Variants in UFL1 observed in about 807,000 individuals in gnomAD.
UFL1 encodes E3 UFM1-protein ligase 1.
In UFL1, 78 loss-of-function variants were observed where a neutral mutation model predicts 99.3. The ratio of observed to expected loss-of-function variants is 0.79; its 90% CI spans 0.65 to 0.95. The LOEUF is 0.95. Among genes scored for constraint, UFL1 ranks in the 40% least tolerant of loss-of-function variants. UFL1 has a pLI of 0.00. For synonymous variants in UFL1, 335 were observed against 322.2 expected, an observed-to-expected ratio of 1.04 and a Z score of -0.42; for missense variants, 936 against 937.0, an observed-to-expected ratio of 1.00 and a Z score of 0.01.
chr6:96,546,390 C>A (rs1315858298), intron 12 of UFL1, among the ~76,000 whole-genome samples: 3 of 150,710 alleles, frequency 2.0e-5, no homozygotes, highest in African/African-American at 7.3e-5. Flanking sequence ...TAGAAAGACA[C>A]CCCAGGCTCA....
At chr6:96,523,927 C>G (rs9486467) in intron 2 of UFL1, among the ~76,000 whole-genome samples, 3 of 151,760 alleles carry the variant, frequency 2.0e-5, no homozygotes, top group African/African-American at 7.3e-5. Flanking sequence ...ATCTATTTTC[C>G]TTCATAGTAC....
intron 1 of UFL1, 87 bp from the exon 2 acceptor site, chr6:96,523,059 A>G: frequency 7.4e-7 from 1 of 1,359,316 alleles, no homozygotes; most frequent in Non-Finnish European, 9.8e-7. Context: ...AAACTTTTTA[A>G]AAGCCTGTTT....
At chr6:96,551,805 A>C in intron 16 of UFL1, 33 bp from the exon 17 acceptor site, 2 of 1,408,764 alleles carry the variant, frequency 1.4e-6, no homozygotes, top group South Asian at 2.5e-5. Context: ...AGTTATATAT[A>C]AAAGTAAATT....
Position 96,548,172 on chromosome 6 carries a change from A to C in UFL1, c.1411A>C (p.Lys471Gln), listed in dbSNP as rs1457343286. The C allele has an allele frequency of 8.8e-6, 14 of 1,589,262 alleles. No individual in the cohort carries two copies. The highest frequency in any genetic ancestry group is 1.2e-5 in the Non-Finnish European group (14 of 1,167,084). Residue 471 changes from lysine to glutamine, a missense_variant, in exon 13 of 19, where the codon AAG (lysine) becomes CAG (glutamine). Physicochemically the swap from Lys to Gln is moderately conservative, Grantham distance 53. Transcript: ENST00000369278. ...GCTCATGTCCGATATAGGAAAGAAG[A>C]AGCCAGAGATCAGTTTTATGTTCCA... ...ESQSSHTGKK[K>Q]PEISFMFQDE... is the part of the protein sequence containing the mutation.
Position 96,549,816 on chromosome 6 carries a change from C to T in UFL1, c.1818+17C>T. ...ACAAGTGAAGTATGTTAATGATCTC[C>T]CTACCACTATTGATGTGTTCTGTTT... is the stretch of plus-strand genomic sequence containing the variant. On this transcript the variant is annotated intron_variant, in intron 15 of 18. Coordinates refer to ENST00000369278, the MANE Select transcript of UFL1 (RefSeq NM_015323.5). 6.2e-7 allele frequency: 1 copy of T among 1,609,704 alleles called. No homozygotes were observed. The highest frequency in any genetic ancestry group is 1.1e-5 in the South Asian group (1 of 90,644).
rs779949109 is a variant in UFL1 at position 96,534,267 on chromosome 6, A to G, written c.601A>G (p.Thr201Ala). The G allele has an allele frequency of 6.4e-7, 1 of 1,567,796 alleles. No homozygotes were observed. The highest frequency in any genetic ancestry group is 8.6e-7 in the Non-Finnish European group (1 of 1,161,550). Reference sequence around the variant, plus strand: ...TTTTTTTAACTTTCCATAAAGGCCTACAGCTGTGAATTCTTTGATTTCAAA... The same window carrying G: ...TTTTTTTAACTTTCCATAAAGGCCTGCAGCTGTGAATTCTTTGATTTCAAA... ...RGLFSAITRPTAVNSLISKYG... is the reference protein window; with the variant it reads ...RGLFSAITRPAAVNSLISKYG... Residue 201 changes from threonine to alanine, a missense_variant, in exon 7 of 19, where the codon ACA (threonine) becomes GCA (alanine). By Grantham distance (58) the Thr-to-Ala change is moderately conservative (BLOSUM62 0). Transcript: ENST00000369278.
chr6:96,522,035 C>T, intron 1 of UFL1, 85 bp downstream of exon 1: 1 of 1,438,548 alleles, frequency 7.0e-7, no homozygotes, highest in Non-Finnish European at 9.5e-7. Context: ...ACCCGCGGCC[C>T]TGCATCCCGG....
At chr6:96,542,832 CATTAT>C in intron 11 of UFL1, 57 bp from the exon 12 acceptor site, 1 of 1,432,712 alleles carries the variant, frequency 7.0e-7, no homozygotes, top group Non-Finnish European at 9.2e-7. Context: ...AATATAGTGT[CATTAT>C]TTTATAAAAA....
intron 7 of UFL1, among the ~76,000 whole-genome samples, chr6:96,535,176 G>A (rs752988000): frequency 2.0e-5 from 3 of 151,776 alleles, no homozygotes; most frequent in African/African-American, 7.3e-5. Context: ...TGAGAAATCC[G>A]GACTTTTTTG....
chr6:96,552,142 A>G (rs928667706), intron 17 of UFL1, among the ~76,000 whole-genome samples: 1 of 152,062 alleles, frequency 6.6e-6, no homozygotes, highest in East Asian at 1.9e-4. Context: ...TCTTTATCCT[A>G]TAGTTCATCA....
At chr6:96,536,866 T>C (rs2127951016) in intron 8 of UFL1, among the ~76,000 whole-genome samples, 1 of 151,862 alleles carries the variant, frequency 6.6e-6, no homozygotes, top group African/African-American at 2.4e-5. Flanking sequence ...TGTGTTTTTA[T>C]TAGTTAACTA....
intron 12 of UFL1, among the ~76,000 whole-genome samples, chr6:96,547,101 G>A (rs1347962434): frequency 6.6e-6 from 1 of 151,540 alleles, no homozygotes; most frequent in East Asian, 1.9e-4. Context: ...TCTGACAAAG[G>A]ACTAATATCT....
chr6:96,534,816 T>G (rs536720707), intron 7 of UFL1, among the ~76,000 whole-genome samples: 51 of 151,606 alleles, frequency 3.4e-4, no homozygotes, highest in African/African-American at 1.2e-3. Context: ...GTTTTGAGGG[T>G]TTTTTTTAAT....
At chr6:96,543,573 T>G (rs143432795) in intron 12 of UFL1, among the ~76,000 whole-genome samples, 1 of 151,222 alleles carries the variant, frequency 6.6e-6, no homozygotes, top group Non-Finnish European at 1.5e-5. Context: ...TGGCTGACTG[T>G]GGGAATGTTG....
Position 96,552,676 on chromosome 6 carries a change from A to T in UFL1, c.2166+14A>T. The stretch of plus-strand genomic sequence containing the variant: ...AAAATTCCAGAGGTATTACATTTTC[A>T]ATACACTTGAAACTTTCAAAGATTT... On this transcript the variant is annotated intron_variant, in intron 18 of 18. Transcript: ENST00000369278. 1 of 1,576,892 alleles carries T rather than the reference A, an allele frequency of 6.3e-7. No homozygotes were observed.
At position 96,536,264 on chromosome 6, in the gene UFL1, A is replaced by C. The variant is rs761055791; in HGVS notation, c.676A>C (p.Asn226His). 3.1e-6 allele frequency: 5 copies of C among 1,609,448 alleles called. No individual in the cohort carries two copies. Among genetic ancestry groups the C allele is most frequent in the East Asian group, 2.2e-5 (1 of 44,826 alleles). ...TTAAGCTGTGCTTGAGGAACTTGTT[A>C]ATAGCGGACGCTTACGAGGCACTGT... is the stretch of plus-strand genomic sequence containing the variant. ...LLYSVLEELV[N>H]SGRLRGTVVG... Residue 226 changes from asparagine to histidine, a missense_variant, in exon 8 of 19, where the codon AAT becomes CAT. Coordinates refer to ENST00000369278, the MANE Select transcript of UFL1 (RefSeq NM_015323.5).
chr6:96,526,370 A>G lies in UFL1; in HGVS notation c.400A>G (p.Ser134Gly), dbSNP rs1361434452. 6.2e-7 allele frequency: 1 copy of G among 1,613,718 alleles called. No homozygotes were observed. Among genetic ancestry groups the G allele is most frequent in the Non-Finnish European group, 8.5e-7 (1 of 1,179,818 alleles). Residue 134 changes from serine to glycine, a missense_variant, in exon 5 of 19, where the codon AGT (serine) becomes GGT (glycine). Physicochemically the swap from Ser to Gly is moderately conservative, Grantham distance 56 (BLOSUM62 0). Coordinates refer to ENST00000369278, the MANE Select transcript of UFL1 (RefSeq NM_015323.5). The part of the protein sequence containing the change: ...AEEVNDKLQE[S>G]GQVTISELCK... ...AGAGGTCAATGATAAATTGCAAGAA[A>G]GTGGTCAGGTCACCATATCAGAACT... is the stretch of plus-strand genomic sequence containing the variant.
At chr6:96,533,717 A>C (rs778702906) in intron 6 of UFL1, among the ~76,000 whole-genome samples, 98 of 149,598 alleles carry the variant, frequency 6.6e-4, no homozygotes, top group East Asian at 1.6e-3. Flanking sequence ...ATTTCATGTA[A>C]TTTAAATTAT....
chr6:96,543,958 TA>T (rs1769965724), intron 12 of UFL1, among the ~76,000 whole-genome samples: 1 of 151,160 alleles, frequency 6.6e-6, no homozygotes, highest in Non-Finnish European at 1.5e-5. Context: ...TATACATTTA[TA>T]ACCAACAGTA....
Sources: gnomAD v4.1 joint callset for allele counts (sites outside exome capture counted in the v4.1 genomes callset) on GRCh38, gnomAD v4.1.1 for gene constraint, MANE v1.5 for transcripts, NCBI Gene and HGNC (gene_info 2026-07-23, HGNC 2026-07-21) for gene names.